The following DIP2C variants were observed in gnomAD, a reference collection of about 807,000 sequenced individuals.
The protein encoded by DIP2C is disco-interacting protein 2 homolog C.
In DIP2C, 33 loss-of-function variants were observed where a neutral mutation model predicts 192.4. The observed-to-expected ratio is 0.17, with a 90% CI of 0.13 to 0.23. DIP2C has a LOEUF of 0.23. Among genes scored for constraint, DIP2C ranks in the 10% least tolerant of loss-of-function variants. The pLI, the probability that DIP2C is intolerant of heterozygous loss-of-function variation, is 1.00. For missense variants in DIP2C, 1,537 were observed against 2,110.1 expected (o/e 0.73, Z 5.32); for synonymous variants, 979 against 864.1 (o/e 1.13, Z -2.33).
Position 632,336 on chromosome 10 carries a change from G to A in DIP2C, c.85+57158C>T, listed in dbSNP as rs966183714. On this transcript the variant is annotated intron_variant, in intron 1 of 36. Coordinates refer to ENST00000280886, the MANE Select transcript of DIP2C (RefSeq NM_014974.3). ...AACTGGAAACCACGCGGGCACCAGC[G>A]TGAACTCAGACCCGACAGCCAGCAC... Among the ~76,000 whole-genome samples, 9 of 152,154 alleles carry A rather than the reference G, an allele frequency of 5.9e-5. No individual in the cohort carries two copies. In the South Asian group the frequency reaches 1.0e-3, roughly 18 times the overall value.
At chr10:358,809 G>A (rs1226291071) in intron 22 of DIP2C, among the ~76,000 whole-genome samples, 2 of 75,648 alleles carry the variant, frequency 2.6e-5, no homozygotes, top group Admixed American at 1.3e-4. Flanking sequence ...GGTGGGGGAC[G>A]GGGGATTGGA....
rs145749792 is a variant in DIP2C at position 440,971 on chromosome 10, C to T, written c.294G>A (p.Ala98=). 6.7e-5 allele frequency: 108 copies of T among 1,613,468 alleles called. No individual in the cohort carries two copies. In the African/African-American group the frequency reaches 9.7e-4, roughly 15 times the overall value. Residue 98 remains alanine (A), a synonymous_variant, in exon 4 of 37, where the codon GCG becomes GCA. Coordinates refer to ENST00000280886, the MANE Select transcript of DIP2C (RefSeq NM_014974.3). The stretch of plus-strand genomic sequence containing the variant: ...TCCGCTCTTTGTGTTTGGCCAGAGC[C>T]GCCTGGACAGCTTCCGTGTGGACGT... ...RSDVHTEAVQ[A]ALAKHKERKM... is the part of the protein sequence containing the mutation.
chr10:302,886 A>C (rs957551820), intron 32 of DIP2C, among the ~76,000 whole-genome samples: 3 of 152,228 alleles, frequency 2.0e-5, no homozygotes, highest in Non-Finnish European at 4.4e-5. Flanking sequence ...AAAGGGCTAC[A>C]ACATCACTGC....
chr10:455,391 A>C (rs1390907194), intron 3 of DIP2C, among the ~76,000 whole-genome samples: 1 of 110,810 alleles, frequency 9.0e-6, no homozygotes, highest in African/African-American at 3.4e-5. Context: ...GACCGTGAGG[A>C]GTAAATGAGA....
chr10:578,905 T>C (rs2131571925), intron 1 of DIP2C, among the ~76,000 whole-genome samples: 1 of 152,010 alleles, frequency 6.6e-6, no homozygotes, highest in South Asian at 2.1e-4. Context: ...CACATCCAGA[T>C]CCACAGTGTG....
chr10:501,244 A>T (rs557150662), intron 1 of DIP2C, among the ~76,000 whole-genome samples: 1 of 152,298 alleles, frequency 6.6e-6, no homozygotes, highest in East Asian at 1.9e-4. Context: ...AATAATGTTG[A>T]TAGTACACAC....
chr10:557,695 TGGGGGC>T (rs1158315956), intron 1 of DIP2C, among the ~76,000 whole-genome samples: 4 of 15,890 alleles, frequency 2.5e-4, no homozygotes, highest in South Asian at 3.4e-3. Flanking sequence ...GGGGTGGGGG[TGGGGGC>T]GGGGGAGGGG....
chr10:639,603 G>A (rs921593705), intron 1 of DIP2C, among the ~76,000 whole-genome samples: 5 of 152,226 alleles, frequency 3.3e-5, no homozygotes, highest in Non-Finnish European at 5.9e-5. Context: ...GGAAGCTCAC[G>A]TCCAAGGTCA....
At chr10:458,775 G>C (rs770064820) in intron 3 of DIP2C, among the ~76,000 whole-genome samples, 2 of 143,312 alleles carry the variant, frequency 1.4e-5, no homozygotes, top group East Asian at 2.2e-4. Flanking sequence ...CAGAGTGCTC[G>C]GCACCCCGTG....
intron 1 of DIP2C, among the ~76,000 whole-genome samples, chr10:548,604 G>C (rs1435949418): frequency 6.7e-6 from 1 of 149,924 alleles, no homozygotes; most frequent in East Asian, 2.0e-4. Flanking sequence ...GACGTGGCAA[G>C]GGTTATGGGG....
intron 3 of DIP2C, among the ~76,000 whole-genome samples, chr10:460,356 G>C (rs1387450032): frequency 6.6e-6 from 1 of 152,228 alleles, no homozygotes; most frequent in Non-Finnish European, 1.5e-5. Context: ...ATAAATGCCA[G>C]CTCATTCACT....
intron 3 of DIP2C, among the ~76,000 whole-genome samples, chr10:441,392 G>A (rs7903126): frequency 1.3e-5 from 2 of 152,000 alleles, no homozygotes; most frequent in Non-Finnish European, 2.9e-5. Flanking sequence ...TCACAGCTCA[G>A]CTGAGCACCA....
At chr10:546,033 G>GCA (rs1379036578) in intron 1 of DIP2C, among the ~76,000 whole-genome samples, 3 of 152,162 alleles carry the variant, frequency 2.0e-5, no homozygotes, top group Non-Finnish European at 4.4e-5. Flanking sequence ...ATCCCACCCA[G>GCA]CACTTTGGGA....
chr10:467,296 C>A (rs1397518210), intron 3 of DIP2C, among the ~76,000 whole-genome samples: 3 of 151,158 alleles, frequency 2.0e-5, no homozygotes, highest in Non-Finnish European at 4.4e-5. Flanking sequence ...AAACCAAACA[C>A]CACATATTCT....
At chr10:437,722 C>T (rs1967384254) in intron 4 of DIP2C, 1 of 152,214 alleles carries the variant, frequency 6.6e-6, no homozygotes, top group South Asian at 2.1e-4. Context: ...TGTATCTTTA[C>T]ATTTGAAAAT....
chr10:288,498 C>T (rs550452343), intron 32 of DIP2C, 77 bp from the exon 33 acceptor site: 19 of 1,491,602 alleles, frequency 1.3e-5, no homozygotes, highest in African/African-American at 6.9e-5. Flanking sequence ...CACGAGGTCA[C>T]GAGCCTGGCA....
intron 29 of DIP2C, among the ~76,000 whole-genome samples, chr10:336,133 C>G (rs1957758175): frequency 6.6e-6 from 1 of 152,084 alleles, no homozygotes; most frequent in African/African-American, 2.4e-5. Flanking sequence ...CTTTGGGAGG[C>G]TGAGGTGGGA....
intron 29 of DIP2C, among the ~76,000 whole-genome samples, chr10:338,737 GCT>G (rs1190829055): frequency 1.3e-5 from 2 of 152,112 alleles, no homozygotes; most frequent in Non-Finnish European, 2.9e-5. Context: ...CTTAGAACAA[GCT>G]CTGACTCCCC....
intron 5 of DIP2C, among the ~76,000 whole-genome samples, chr10:422,319 T>C (rs944472977): frequency 6.6e-6 from 1 of 152,180 alleles, no homozygotes; most frequent in Admixed American, 6.5e-5. Context: ...CACAGCATGT[T>C]CAAACGTCAT....
Sources: allele counts gnomAD v4.1 joint callset (sites outside exome capture counted in the v4.1 genomes callset), GRCh38; gene constraint gnomAD v4.1.1; transcripts MANE v1.5; gene names NCBI Gene and HGNC (gene_info 2026-07-23, HGNC 2026-07-21).